The following AGPAT4 variants were observed in gnomAD, a reference collection of about 807,000 sequenced individuals.
AGPAT4 encodes 1-acylglycerol-3-phosphate O-acyltransferase 4.
AGPAT4 carries 15 observed loss-of-function variants against 48.0 expected under a neutral mutation model. The ratio of observed to expected loss-of-function variants is 0.31; its 90% CI spans 0.21 to 0.48. The LOEUF (loss-of-function observed/expected upper bound fraction) is 0.48. Among genes scored for constraint, AGPAT4 ranks in the 20% least tolerant of loss-of-function variants. The pLI is 0.99. For synonymous variants in AGPAT4, 178 were observed against 198.7 expected (o/e 0.90, Z 0.88); for missense variants, 314 against 482.5 (o/e 0.65, Z 3.27).
intron 1 of AGPAT4, among the ~76,000 whole-genome samples, chr6:161,253,472 T>A (rs1191797571): frequency 6.6e-6 from 1 of 151,678 alleles, no homozygotes; most frequent in Non-Finnish European, 1.5e-5. Context: ...GCCAGTATGG[T>A]CTCGATCTCC....
At chr6:161,186,983 GAC>G (rs928335726) in intron 2 of AGPAT4, among the ~76,000 whole-genome samples, 2 of 152,160 alleles carry the variant, frequency 1.3e-5, no homozygotes, top group Non-Finnish European at 2.9e-5. Context: ...CCCCACGAGG[GAC>G]ACAGCCTCAG....
Position 161,138,458 on chromosome 6 carries a change from AC to A in AGPAT4, c.1042+963del, listed in dbSNP as rs911974182. ...GGCGAGCTGAAGAAACTCCACTGAT[AC>A]GGGTTTATAGATGCACATATGCTTG... On this transcript the variant is annotated intron_variant, in intron 8 of 8. Transcript: ENST00000320285. The surrounding 1 kb of genome is among the most constrained non-coding windows in gnomAD (Gnocchi z 4.8). 6.6e-6 allele frequency among the ~76,000 whole-genome samples: 1 copy of A among 152,112 alleles called. No homozygotes were observed. Among genetic ancestry groups the A allele is most frequent in the African/African-American group, 2.4e-5 (1 of 41,422 alleles).
At chr6:161,213,344 G>A (rs1314910471) in intron 2 of AGPAT4, among the ~76,000 whole-genome samples, 1 of 152,198 alleles carries the variant, frequency 6.6e-6, no homozygotes, top group Non-Finnish European at 1.5e-5. Flanking sequence ...TTTGTCTTTA[G>A]TAAAAATGGG....
chr6:161,190,637 G>A (rs1780898506), intron 2 of AGPAT4, among the ~76,000 whole-genome samples: 1 of 149,926 alleles, frequency 6.7e-6, no homozygotes, highest in Non-Finnish European at 1.5e-5. Context: ...GATCAAAGGA[G>A]TAGAAAGATT....
rs2114741539 is a variant in AGPAT4 at position 161,255,927 on chromosome 6, A to G, written c.-90+18011T>C. Among the ~76,000 whole-genome samples the G allele has an allele frequency of 6.6e-6, 1 of 152,280 alleles. No individual in the cohort carries two copies. The highest frequency in any genetic ancestry group is 1.9e-4 in the East Asian group (1 of 5,182). ...AAACAAAGAAAAAAACACTGGCCCC[A>G]CAGAAGACAAAACATAAGCAGAGTC... On this transcript the variant is annotated intron_variant, in intron 1 of 8. Transcript: ENST00000320285. This position sits in a 1 kb window ranked among gnomAD's most constrained non-coding sequence, Gnocchi z 4.7.
chr6:161,168,424 C>T (rs1005632646), intron 2 of AGPAT4, among the ~76,000 whole-genome samples: 1 of 152,116 alleles, frequency 6.6e-6, no homozygotes, highest in South Asian at 2.1e-4. Flanking sequence ...CCTAAGGCCA[C>T]TCTCACCGCC....
rs530352847 is a variant in AGPAT4, at chr6:161,251,734, A to C, written c.-89-19432T>G. On this transcript the variant is annotated intron_variant, in intron 1 of 8. Transcript: ENST00000320285. The surrounding 1 kb of genome is among the most constrained non-coding windows in gnomAD (Gnocchi z 4.6). ...CCACTTCCCGGGCCTTACGTTTCCC[A>C]TTCAAACATGGGAGACGTGCTCTTG... is the stretch of plus-strand genomic sequence containing the variant. 2.0e-5 allele frequency among the ~76,000 whole-genome samples: 3 copies of C among 152,306 alleles called. No homozygotes were observed. In the East Asian group the frequency reaches 5.8e-4, roughly 29 times the overall value.
In AGPAT4 at chr6:161,158,084, C is replaced by T. The variant is rs1214467725; in HGVS notation, c.349-3774G>A. ...GTATCTGAACACCTCCTTATTCAAC[C>T]CATTTTCTCTGCCATGCTTTAGCGT... On this transcript the variant is annotated intron_variant, in intron 3 of 8. Coordinates refer to ENST00000320285, the MANE Select transcript of AGPAT4 (RefSeq NM_020133.3). The surrounding 1 kb of genome is among the most constrained non-coding windows in gnomAD (Gnocchi z 5.3). Among the ~76,000 whole-genome samples, 1 of 152,194 alleles carries T rather than the reference C, an allele frequency of 6.6e-6. No homozygotes were observed. The highest frequency in any genetic ancestry group is 2.4e-5 in the African/African-American group (1 of 41,452).
rs541386261 is a variant in AGPAT4 at position 161,234,700 on chromosome 6, G to A, written c.-89-2398C>T. ...AAGACAATCTGGCCAGGCCAAGCTC[G>A]GTTTTTCACTAGGTTTCTGGGGTCT... On this transcript the variant is annotated intron_variant, in intron 1 of 8. Coordinates refer to ENST00000320285, the MANE Select transcript of AGPAT4 (RefSeq NM_020133.3). This position sits in a 1 kb window ranked among gnomAD's most constrained non-coding sequence, Gnocchi z 4.4. Among the ~76,000 whole-genome samples, 10 of 152,120 alleles carry A rather than the reference G, an allele frequency of 6.6e-5. No individual in the cohort carries two copies. The highest frequency in any genetic ancestry group is 2.2e-4 in the African/African-American group (9 of 41,508).
intron 2 of AGPAT4, among the ~76,000 whole-genome samples, chr6:161,203,381 CTTTTTTTTTTT>C (rs10585542): frequency 1.8e-5 from 2 of 110,764 alleles, no homozygotes; most frequent in Admixed American, 1.8e-4. Flanking sequence ...CTTTTTCTTT[CTTTTTTTTTTT>C]TTTTTTTTTT....
Position 161,222,541 on chromosome 6 carries a change from T to A in AGPAT4, c.178+9495A>T, listed in dbSNP as rs550665902. Among the ~76,000 whole-genome samples the A allele has an allele frequency of 9.2e-5, 14 of 152,274 alleles. No individual in the cohort carries two copies. In the East Asian group the frequency reaches 2.5e-3, roughly 27 times the overall value. ...TGGTTCAAGGAAATAATGACCCAGC[T>A]GGGCATCTTTCTATAAAAGATTACG... On this transcript the variant is annotated intron_variant, in intron 2 of 8. Coordinates refer to ENST00000320285, the MANE Select transcript of AGPAT4 (RefSeq NM_020133.3). This position sits in a 1 kb window ranked among gnomAD's most constrained non-coding sequence, Gnocchi z 5.9.
In AGPAT4 at chr6:161,240,216, G is replaced by A. The variant is rs75540487; in HGVS notation, c.-89-7914C>T. ...CAAAACACTAACAGCAGATATCTTT[G>A]TGTATACACACACACACACACACAC... On this transcript the variant is annotated intron_variant, in intron 1 of 8. Coordinates refer to ENST00000320285, the MANE Select transcript of AGPAT4 (RefSeq NM_020133.3). This position sits in a 1 kb window ranked among gnomAD's most constrained non-coding sequence, Gnocchi z 5.5. Among the ~76,000 whole-genome samples, 80 of 135,426 alleles carry A rather than the reference G, an allele frequency of 5.9e-4. No homozygotes were observed. The highest frequency in any genetic ancestry group is 9.5e-4 in the Non-Finnish European group (61 of 64,478). 88.8% of individuals were successfully genotyped at this position (135,426 alleles called of 152,430 possible).
At position 161,139,517 on chromosome 6, in the gene AGPAT4, G is replaced by A. The variant is rs369624936; in HGVS notation, c.947C>T (p.Ser316Leu). The change falls in exon 8 of 9, where the codon TCG (serine) becomes TTG (leucine). Residue 316 changes from serine to leucine, a missense_variant. Transcript: ENST00000320285. This position sits in a 1 kb window ranked among gnomAD's most constrained non-coding sequence, Gnocchi z 9.1. ...WTLVNWLFWA[S>L]LVLYPFFQFL... Reference sequence around the variant, plus strand: ...CTGGAAGAAAGGGTAGAGCACCAGCGAGGCCCAAAACAGCCAGTTCACGAG... The same window carrying A: ...CTGGAAGAAAGGGTAGAGCACCAGCAAGGCCCAAAACAGCCAGTTCACGAG... The A allele has an allele frequency of 2.2e-5, 36 of 1,613,956 alleles. 1 individual carries two copies. Among genetic ancestry groups the A allele is most frequent in the South Asian group, 1.8e-4 (16 of 91,076 alleles).
chr6:161,171,974 C>T lies in AGPAT4; in HGVS notation c.179-5557G>A, dbSNP rs1169804073. Among the ~76,000 whole-genome samples, 1 of 152,158 alleles carries T rather than the reference C, an allele frequency of 6.6e-6. No homozygotes were observed. The highest frequency in any genetic ancestry group is 1.5e-5 in the Non-Finnish European group (1 of 68,030). On this transcript the variant is annotated intron_variant, in intron 2 of 8. Coordinates refer to ENST00000320285, the MANE Select transcript of AGPAT4 (RefSeq NM_020133.3). This position sits in a 1 kb window ranked among gnomAD's most constrained non-coding sequence, Gnocchi z 4.4. ...TCTGGGGGACACATTCAGAACATAGCATCCCTGAAATATTTACCTTCTTGT... is the reference window on the plus strand; with the variant it reads ...TCTGGGGGACACATTCAGAACATAGTATCCCTGAAATATTTACCTTCTTGT...
intron 1 of AGPAT4, among the ~76,000 whole-genome samples, chr6:161,265,515 G>A (rs1006228873): frequency 6.6e-6 from 1 of 152,032 alleles, no homozygotes; most frequent in Non-Finnish European, 1.5e-5. Context: ...GCTGGACTGG[G>A]TGCTGGATTA....
chr6:161,183,858 G>A (rs1350532595), intron 2 of AGPAT4, among the ~76,000 whole-genome samples: 2 of 151,680 alleles, frequency 1.3e-5, no homozygotes, highest in Non-Finnish European at 2.9e-5. Flanking sequence ...GGGGACATGG[G>A]GAAGCAGGGA....
In AGPAT4 at chr6:161,139,889, C is replaced by G. The variant is rs1159155641; in HGVS notation, c.844-269G>C. On this transcript the variant is annotated intron_variant, in intron 7 of 8. Coordinates refer to ENST00000320285, the MANE Select transcript of AGPAT4 (RefSeq NM_020133.3). This position sits in a 1 kb window ranked among gnomAD's most constrained non-coding sequence, Gnocchi z 9.1. ...GCAGGGCGTGGAGCATGAACCCTGG[C>G]GCCAGGCCAGCCTGGGCTAGGATCC... is the stretch of plus-strand genomic sequence containing the variant. Among the ~76,000 whole-genome samples the G allele has an allele frequency of 6.6e-6, 1 of 152,234 alleles. No homozygotes were observed. Among genetic ancestry groups the G allele is most frequent in the African/African-American group, 2.4e-5 (1 of 41,464 alleles).
At chr6:161,250,829 T>C (rs1237809483) in intron 1 of AGPAT4, among the ~76,000 whole-genome samples, 3 of 152,198 alleles carry the variant, frequency 2.0e-5, no homozygotes, top group African/African-American at 7.2e-5. Flanking sequence ...AATTAAATCT[T>C]TATACAGTCT....
chr6:161,139,351 G>A lies in AGPAT4; in HGVS notation c.1042+71C>T, dbSNP rs1054637764. ...ACAACTGCCTATACAGATGGCCTTC[G>A]TCCCAGCCCTGATGCCACCTCTCCC... On this transcript the variant is annotated intron_variant, in intron 8 of 8. Coordinates refer to ENST00000320285, the MANE Select transcript of AGPAT4 (RefSeq NM_020133.3). This position sits in a 1 kb window ranked among gnomAD's most constrained non-coding sequence, Gnocchi z 9.1. 24 of 1,551,026 alleles carry A rather than the reference G, an allele frequency of 1.5e-5. No individual in the cohort carries two copies. The highest frequency in any genetic ancestry group is 1.5e-4 in the African/African-American group (11 of 73,408).
Sources: allele counts gnomAD v4.1 joint callset (sites outside exome capture counted in the v4.1 genomes callset), GRCh38; gene constraint gnomAD v4.1.1; non-coding constraint Gnocchi (gnomAD v3.1); transcripts MANE v1.5; gene names NCBI Gene and HGNC (gene_info 2026-07-23, HGNC 2026-07-21).